EXOC6B: variants seen among roughly 807,000 people sequenced by gnomAD.
EXOC6B encodes the protein SEC15 homolog B.
In EXOC6B, 54 loss-of-function variants were observed where a neutral mutation model predicts 113.5. That is an observed-to-expected ratio of 0.48 (90% CI 0.38 to 0.60). EXOC6B has a LOEUF of 0.60. EXOC6B is among the 20% of genes least tolerant of loss of function. EXOC6B has a pLI of 0.00. For synonymous variants in EXOC6B, 357 were observed against 339.0 expected (o/e 1.05, Z -0.58); for missense variants, 797 against 977.5 (o/e 0.82, Z 2.46).
chr2:72,217,722 C>G (rs1680626746), intron 20 of EXOC6B, among the ~76,000 whole-genome samples: 2 of 152,134 alleles, frequency 1.3e-5, no homozygotes, highest in African/African-American at 4.8e-5. Flanking sequence ...TGAGGGCTTC[C>G]TTCTTGGGGT....
At chr2:72,517,414 G>T (rs1013291344) in intron 8 of EXOC6B, among the ~76,000 whole-genome samples, 2 of 152,084 alleles carry the variant, frequency 1.3e-5, no homozygotes, top group Non-Finnish European at 2.9e-5. Context: ...CAGTTTTAAA[G>T]TTCTAAAGTG....
chr2:72,639,582 C>T (rs1308511639), intron 6 of EXOC6B, among the ~76,000 whole-genome samples: 1 of 152,228 alleles, frequency 6.6e-6, no homozygotes, highest in Non-Finnish European at 1.5e-5. Flanking sequence ...CACTGCACTA[C>T]CAAACGTTAT....
chr2:72,764,085 T>A (rs1174779345), intron 1 of EXOC6B, among the ~76,000 whole-genome samples: 2 of 151,972 alleles, frequency 1.3e-5, no homozygotes, highest in East Asian at 3.9e-4. Context: ...TCTTAAAAAA[T>A]TAAAATAATA....
intron 7 of EXOC6B, among the ~76,000 whole-genome samples, chr2:72,571,328 T>A (rs1704498233): frequency 6.6e-6 from 1 of 152,042 alleles, no homozygotes; most frequent in African/African-American, 2.4e-5. Flanking sequence ...GGCAGGAGGA[T>A]CACTTGAAAG....
chr2:72,272,277 C>T (rs1268250661), intron 20 of EXOC6B, among the ~76,000 whole-genome samples: 1 of 152,114 alleles, frequency 6.6e-6, no homozygotes, highest in East Asian at 1.9e-4. Context: ...GATGTATTTC[C>T]TGTTGGGTTT....
At chr2:72,704,231 G>C (rs1245168808) in intron 6 of EXOC6B, among the ~76,000 whole-genome samples, 1 of 149,590 alleles carries the variant, frequency 6.7e-6, no homozygotes, top group Non-Finnish European at 1.5e-5. Context: ...ATGACTACTG[G>C]GTACATAACG....
intron 7 of EXOC6B, among the ~76,000 whole-genome samples, chr2:72,570,443 A>G (rs1406230205): frequency 6.6e-6 from 1 of 152,206 alleles, no homozygotes; most frequent in Non-Finnish European, 1.5e-5. Context: ...AAGGCTTTCT[A>G]TTACATGGCA....
intron 20 of EXOC6B, among the ~76,000 whole-genome samples, chr2:72,245,791 C>A (rs1250620464): frequency 6.6e-6 from 1 of 152,100 alleles, no homozygotes; most frequent in African/African-American, 2.4e-5. Context: ...AATTATGGAA[C>A]TTAAAGATAA....
At chr2:72,379,665 T>C in intron 19 of EXOC6B, 64 bp downstream of exon 19, 2 of 1,526,166 alleles carry the variant, frequency 1.3e-6, no homozygotes, top group Non-Finnish European at 1.8e-6. Flanking sequence ...TAAAACTTTT[T>C]TTCCCCTGAC....
chr2:72,487,486 G>A (rs759649928), intron 16 of EXOC6B, among the ~76,000 whole-genome samples: 30 of 151,998 alleles, frequency 2.0e-4, no homozygotes, highest in Non-Finnish European at 4.0e-4. Context: ...TCAGCCTCCC[G>A]AGTAGCTAGG....
chr2:72,650,865 T>C (rs1674115471), intron 6 of EXOC6B, among the ~76,000 whole-genome samples: 2 of 149,950 alleles, frequency 1.3e-5, no homozygotes, highest in African/African-American at 4.9e-5. Context: ...CTCTGGAAAA[T>C]GCTTTGGCAG....
intron 1 of EXOC6B, among the ~76,000 whole-genome samples, chr2:72,768,095 G>A (rs1317164924): frequency 3.5e-5 from 5 of 143,108 alleles, no homozygotes; most frequent in Non-Finnish European, 6.0e-5. Flanking sequence ...CCAGATTCCA[G>A]CCTGGGGGCC....
intron 1 of EXOC6B, among the ~76,000 whole-genome samples, chr2:72,780,721 T>C (rs1228787044): frequency 6.6e-6 from 1 of 152,152 alleles, no homozygotes; most frequent in Admixed American, 6.6e-5. Flanking sequence ...ATTGAGTAGA[T>C]GACAGTATAT....
chr2:72,816,121 T>C (rs1686229146), intron 1 of EXOC6B, among the ~76,000 whole-genome samples: 1 of 152,208 alleles, frequency 6.6e-6, no homozygotes, highest in South Asian at 2.1e-4. Flanking sequence ...ATTGCGCCAC[T>C]GCATTCCACT....
intron 18 of EXOC6B, among the ~76,000 whole-genome samples, chr2:72,403,182 T>G (rs771541519): frequency 6.6e-6 from 1 of 152,226 alleles, no homozygotes; most frequent in East Asian, 1.9e-4. Context: ...ACCAAGCTTT[T>G]CTTCTTGGGG....
chr2:72,484,272 C>T (rs976736564), intron 16 of EXOC6B, among the ~76,000 whole-genome samples: 1 of 151,670 alleles, frequency 6.6e-6, no homozygotes, highest in Non-Finnish European at 1.5e-5. Context: ...AAGATCCGTC[C>T]CCTCAGCTGG....
At chr2:72,545,611 C>T (rs1671866750) in intron 8 of EXOC6B, among the ~76,000 whole-genome samples, 1 of 152,022 alleles carries the variant, frequency 6.6e-6, no homozygotes, top group Non-Finnish European at 1.5e-5. Context: ...AGGTGTTTTC[C>T]CCATATTTAC....
At chr2:72,635,818 G>T (rs1052561738) in intron 6 of EXOC6B, among the ~76,000 whole-genome samples, 3 of 152,136 alleles carry the variant, frequency 2.0e-5, no homozygotes, top group African/African-American at 7.2e-5. Flanking sequence ...CAAGTAAACA[G>T]AATTCAGCAA....
At chr2:72,785,531 T>G (rs963024934) in intron 1 of EXOC6B, among the ~76,000 whole-genome samples, 1 of 152,238 alleles carries the variant, frequency 6.6e-6, no homozygotes, top group African/African-American at 2.4e-5. Context: ...AAACCTCAAT[T>G]CTTGACATCT....
Sources: allele counts gnomAD v4.1 joint callset (sites outside exome capture counted in the v4.1 genomes callset), GRCh38; gene constraint gnomAD v4.1.1; transcripts MANE v1.5; gene names NCBI Gene and HGNC (gene_info 2026-07-23, HGNC 2026-07-21).